TNS2: variants seen among roughly 807,000 people sequenced by gnomAD.
The protein encoded by TNS2 is tensin-2.
Under a neutral mutation model 155.7 loss-of-function variants are expected in TNS2, and 77 were observed. The observed-to-expected ratio is 0.49, with a 90% CI of 0.41 to 0.60. TNS2 has a LOEUF of 0.60. TNS2 is among the 20% of genes least tolerant of loss of function. The pLI, the probability that TNS2 is intolerant of heterozygous loss-of-function variation, is 0.00. For synonymous variants in TNS2, 726 were observed against 763.9 expected (o/e 0.95, Z 0.82); for missense variants, 1,703 against 1,868.8 (o/e 0.91, Z 1.64).
At position 53,063,345 on chromosome 12, in the gene TNS2, G is replaced by C. The variant is rs764778982; in HGVS notation, c.3993-4G>C. 6.2e-7 allele frequency: 1 copy of C among 1,613,936 alleles called. No homozygotes were observed. Among genetic ancestry groups the C allele is most frequent in the South Asian group, 1.1e-5 (1 of 91,086 alleles). ...TGTGACCTTCCTCACCCTCCTCCTT[G>C]CAGGCTCTTCTTTCGCCGCCATTAT... On this transcript the variant is annotated splice_polypyrimidine_tract_variant and splice_region_variant and intron_variant, in intron 26 of 28. Coordinates refer to ENST00000314250, the MANE Select transcript of TNS2 (RefSeq NM_170754.4). This position sits in a 1 kb window ranked among gnomAD's most constrained non-coding sequence, Gnocchi z 5.6.
chr12:53,063,932 A>T lies in TNS2; in HGVS notation c.*50A>T, dbSNP rs991760575. On this transcript the variant is annotated 3_prime_UTR_variant, in exon 29 of 29. Coordinates refer to ENST00000314250, the MANE Select transcript of TNS2 (RefSeq NM_170754.4). The surrounding 1 kb of genome is among the most constrained non-coding windows in gnomAD (Gnocchi z 5.6). Reference sequence around the variant, plus strand: ...ACATCAACACTGCCCCCCTCCCAGCACCCCACAGCCCTCACATCCCCTGGC... The same window carrying T: ...ACATCAACACTGCCCCCCTCCCAGCTCCCCACAGCCCTCACATCCCCTGGC... 1.3e-6 allele frequency: 2 copies of T among 1,596,510 alleles called. No homozygotes were observed. The highest frequency in any genetic ancestry group is 1.1e-5 in the South Asian group (1 of 88,924).
At chr12:53,055,444 T>C (rs1399331520) in intron 8 of TNS2, 124 bp from the exon 9 acceptor site, 5 of 1,307,892 alleles carry the variant, frequency 3.8e-6, no homozygotes, top group Non-Finnish European at 5.3e-6. Flanking sequence ...GCCGAGGCTA[T>C]CATGGACAAC....
At chr12:53,049,260 G>A, upstream of TNS2, 5 of 1,604,618 alleles carry the variant, frequency 3.1e-6, no homozygotes, top group Non-Finnish European at 4.3e-6. Flanking sequence ...TAGTACTCAG[G>A]CTTCGGGGTT....
rs2364153 is a variant in TNS2, at chr12:53,055,951, T to C, written c.761+106T>C. ...AGCCCACCTCTTCGTTGAGAGTCCT[T>C]TGCTGTCAGCTTAGCACTTCCACCT... On this transcript the variant is annotated intron_variant, in intron 10 of 28. Coordinates refer to ENST00000314250, the MANE Select transcript of TNS2 (RefSeq NM_170754.4). 647,112 of 1,176,242 alleles carry C rather than the reference T, an allele frequency of 0.55. 193,020 individuals are homozygous for C. The highest frequency in any genetic ancestry group is 0.62 in the Non-Finnish European group (513,691 of 823,596). 72.9% of individuals were successfully genotyped at this position (1,176,242 alleles called of 1,614,324 possible). A position where few individuals can be genotyped will look rare whatever the true frequency, so the allele number is the denominator to read the frequency against.
In TNS2 at chr12:53,060,328, G is replaced by A; in HGVS notation, c.2617+70G>A. 6.4e-7 allele frequency: 1 copy of A among 1,566,604 alleles called. No homozygotes were observed. Among genetic ancestry groups the A allele is most frequent in the South Asian group, 1.2e-5 (1 of 85,098 alleles). On this transcript the variant is annotated intron_variant, in intron 18 of 28. Transcript: ENST00000314250. This position sits in a 1 kb window ranked among gnomAD's most constrained non-coding sequence, Gnocchi z 6.1. ...TGGAAGATGGTGGGGAAGTCAAGGG[G>A]GAACAGGGTGAGAAACAGCTAAGCC...
At position 53,057,651 on chromosome 12, in the gene TNS2, C is replaced by A. The variant is rs781129421; in HGVS notation, c.930C>A (p.Pro310=). ...SPLFLHYVLI[P]MLPAFEPGTG... is the part of the protein sequence containing the mutation. The stretch of plus-strand genomic sequence containing the variant: ...TCTTCCTGCACTATGTGCTCATCCC[C>A]ATGCTGCCAGCCTTTGAACCTGGCA... The change falls in exon 12 of 29, where the codon CCC becomes CCA. Residue 310 remains proline (P), a synonymous_variant. Coordinates refer to ENST00000314250, the MANE Select transcript of TNS2 (RefSeq NM_170754.4). 4 of 1,614,154 alleles carry A rather than the reference C, an allele frequency of 2.5e-6. No homozygotes were observed. In the South Asian group the frequency reaches 3.3e-5, roughly 13 times the overall value.
rs1944317716 is a variant in TNS2, at chr12:53,059,894, C to T, written c.2253C>T (p.Asp751=). ...ACGHHHAPMP[D]YSCLKPPKAG... ...GGCATCACCATGCCCCGATGCCTGA[C>T]TACAGCTGCCTGAAGCCACCCAAGG... Residue 751 remains aspartate, a synonymous_variant, in exon 18 of 29, where the codon GAC becomes GAT. Coordinates refer to ENST00000314250, the MANE Select transcript of TNS2 (RefSeq NM_170754.4). This position sits in a 1 kb window ranked among gnomAD's most constrained non-coding sequence, Gnocchi z 4.7. 5 of 1,612,774 alleles carry T rather than the reference C, an allele frequency of 3.1e-6. No individual in the cohort carries two copies. In the Admixed American group the frequency reaches 5.0e-5, roughly 16 times the overall value.
In TNS2 at chr12:53,060,636, A is replaced by G. The variant is rs1285196888; in HGVS notation, c.2769-39A>G. 6.3e-6 allele frequency: 10 copies of G among 1,588,218 alleles called. No homozygotes were observed. The East Asian group carries it at 6.7e-5, about 11-fold the overall frequency. On this transcript the variant is annotated intron_variant, in intron 19 of 28. Coordinates refer to ENST00000314250, the MANE Select transcript of TNS2 (RefSeq NM_170754.4). This position sits in a 1 kb window ranked among gnomAD's most constrained non-coding sequence, Gnocchi z 6.1. ...GGCAGGTGGGGTGGGAGCAGCCACA[A>G]TGGGGGCTCTGCTGACCATCTGCCC...
Position 53,060,726 on chromosome 12 carries a change from G to T in TNS2, c.2820G>T (p.Leu940=). The part of the protein sequence containing the change: ...RSPTSAPTQR[L]SPGEALPPVS... ...CCACCTCAGCGCCCACTCAGAGACTGAGTCCTGGCGAGGCCTTGCCCCCTG... is the reference window on the plus strand; with the variant it reads ...CCACCTCAGCGCCCACTCAGAGACTTAGTCCTGGCGAGGCCTTGCCCCCTG... The change falls in exon 20 of 29, where the codon CTG becomes CTT. Residue 940 remains leucine (L), a synonymous_variant. Transcript: ENST00000314250. This position sits in a 1 kb window ranked among gnomAD's most constrained non-coding sequence, Gnocchi z 6.1. The T allele has an allele frequency of 6.2e-7, 1 of 1,603,732 alleles. No homozygotes were observed.
chr12:53,058,911 C>A, intron 17 of TNS2, 84 bp downstream of exon 17: 1 of 1,567,258 alleles, frequency 6.4e-7, no homozygotes, highest in Non-Finnish European at 8.7e-7. Flanking sequence ...ACACTCCCTC[C>A]TCCCCAGGCA....
chr12:53,053,924 G>A, intron 5 of TNS2, 41 bp from the exon 6 acceptor site: 5 of 1,614,046 alleles, frequency 3.1e-6, no homozygotes, highest in Non-Finnish European at 4.2e-6. Flanking sequence ...AGAGTAGGGG[G>A]TACCCAAAGA....
chr12:53,047,137 T>C (rs1943745211), upstream of TNS2: 1 of 138,932 alleles, frequency 7.2e-6, no homozygotes, highest in Non-Finnish European at 1.6e-5. Flanking sequence ...AACGTGGGGA[T>C]TGGAGCCGGG....
Position 53,059,989 on chromosome 12 carries a change from A to G in TNS2, c.2348A>G (p.Tyr783Cys). ...CPEGRYGHPG[Y>C]PALVTYSYGG... is the part of the protein sequence containing the mutation. ...GAAGGCAGGTATGGGCATCCAGGGTACCCTGCCCTGGTGACATACAGCTAT... is the reference window on the plus strand; with the variant it reads ...GAAGGCAGGTATGGGCATCCAGGGTGCCCTGCCCTGGTGACATACAGCTAT... The change falls in exon 18 of 29, where the codon TAC (tyrosine) becomes TGC (cysteine). Residue 783 changes from tyrosine (Y) to cysteine (C), a missense_variant. By Grantham distance (194) the Tyr-to-Cys change is radical. Transcript: ENST00000314250. This position sits in a 1 kb window ranked among gnomAD's most constrained non-coding sequence, Gnocchi z 4.7. 6.2e-7 allele frequency: 1 copy of G among 1,613,340 alleles called. No individual in the cohort carries two copies. Among genetic ancestry groups the G allele is most frequent in the Non-Finnish European group, 8.5e-7 (1 of 1,179,918 alleles).
chr12:53,053,142 C>T (rs1048665455), intron 3 of TNS2: 3 of 476,612 alleles, frequency 6.3e-6, no homozygotes, highest in South Asian at 6.1e-5. Flanking sequence ...CTGCTTGGCT[C>T]TATATATAAC....
chr12:53,054,015 G>A lies in TNS2; in HGVS notation c.350+1G>A. The A allele has an allele frequency of 6.2e-7, 1 of 1,614,154 alleles. No homozygotes were observed. Among genetic ancestry groups the A allele is most frequent in the Non-Finnish European group, 8.5e-7 (1 of 1,180,026 alleles). ...CAAAGCAGCGCAGCACTCTGCCCAG[G>A]TAAGTGAGGGTGCTGGGGTGGTCCC... On this transcript the variant is annotated splice_donor_variant, in intron 6 of 28. Transcript: ENST00000314250. LOFTEE classifies it high-confidence loss of function.
At chr12:53,048,352 C>G (rs187583161), upstream of TNS2, among the ~76,000 whole-genome samples, 75 of 152,310 alleles carry the variant, frequency 4.9e-4, no homozygotes, top group Admixed American at 1.2e-3. Context: ...GGACTTTCAG[C>G]CCCTATGGAG....
chr12:53,051,985 C>T (rs1345951601), intron 2 of TNS2, 22 bp downstream of exon 2: 1 of 1,582,598 alleles, frequency 6.3e-7, no homozygotes, highest in African/African-American at 1.3e-5. Context: ...TGTCCTGTGA[C>T]TCTGAGACCC....
In TNS2 at chr12:53,058,108, G is replaced by T. The variant is rs1248985966; in HGVS notation, c.1095+6G>T. On this transcript the variant is annotated splice_donor_region_variant and intron_variant, in intron 14 of 28. Transcript: ENST00000314250. ...TCCTCAAAGGCGATGTCATGGTGAG[G>T]GGGGTCCTGTCAACAAGAAGAATCC... is the stretch of plus-strand genomic sequence containing the variant. 2 of 1,614,158 alleles carry T rather than the reference G, an allele frequency of 1.2e-6. No individual in the cohort carries two copies. The highest frequency in any genetic ancestry group is 2.7e-5 in the African/African-American group (2 of 75,048).
Position 53,059,858 on chromosome 12 carries a change from G to A in TNS2, c.2217G>A (p.Leu739=). 2 of 1,612,958 alleles carry A rather than the reference G, an allele frequency of 1.2e-6. No homozygotes were observed. Among genetic ancestry groups the A allele is most frequent in the Non-Finnish European group, 8.5e-7 (1 of 1,179,916 alleles). Residue 739 remains leucine (L), a synonymous_variant, in exon 18 of 29, where the codon TTG becomes TTA. Coordinates refer to ENST00000314250, the MANE Select transcript of TNS2 (RefSeq NM_170754.4). The surrounding 1 kb of genome is among the most constrained non-coding windows in gnomAD (Gnocchi z 4.7). ...VRPGHPLPLL[L]PACGHHHAPM... is the part of the protein sequence containing the mutation. ...CTGGGCACCCGCTGCCTCTGCTCTT[G>A]CCTGCCTGTGGGCATCACCATGCCC...
Sources: gnomAD v4.1 joint callset for allele counts (sites outside exome capture counted in the v4.1 genomes callset) on GRCh38, gnomAD v4.1.1 for gene constraint, Gnocchi (gnomAD v3.1) non-coding constraint, MANE v1.5 for transcripts, NCBI Gene and HGNC (gene_info 2026-07-23, HGNC 2026-07-21) for gene names.